MTX1: variants seen among roughly 807,000 people sequenced by gnomAD.
MTX1 encodes the protein metaxin-1.
A neutral mutation model predicts 39.4 loss-of-function variants in MTX1; 20 were observed. The ratio of observed to expected loss-of-function variants is 0.51; its 90% CI spans 0.36 to 0.74. The LOEUF is 0.74. MTX1 is among the 30% of genes least tolerant of loss of function. The pLI, the probability that MTX1 is intolerant of heterozygous loss-of-function variation, is 0.00. For missense variants in MTX1, 481 were observed against 485.9 expected (o/e 0.99, Z 0.10); for synonymous variants, 209 against 198.6 (o/e 1.05, Z -0.44).
At chr1:155,211,931 A>G in intron 3 of MTX1, 196 bp from the exon 4 acceptor site, 1 of 476,820 alleles carries the variant, frequency 2.1e-6, no homozygotes, top group East Asian at 3.3e-5. Flanking sequence ...AGGAGGCTCC[A>G]AGGCCCAGGC....
Position 155,210,426 on chromosome 1 carries a change from T to C in MTX1, c.598+11T>C, listed in dbSNP as rs1402089682. Reference sequence around the variant, plus strand: ...GGCAGAGCCCTTCAGGTACCCAGTATCCCTTGGGGGTAAGGAAGGGTGTGT... The same window carrying C: ...GGCAGAGCCCTTCAGGTACCCAGTACCCCTTGGGGGTAAGGAAGGGTGTGT... On this transcript the variant is annotated intron_variant, in intron 2 of 7. Transcript: ENST00000368376. 1.4e-5 allele frequency: 22 copies of C among 1,613,064 alleles called. No homozygotes were observed. Among genetic ancestry groups the C allele is most frequent in the Non-Finnish European group, 1.8e-5 (21 of 1,179,488 alleles).
intron 4 of MTX1, 29 bp downstream of exon 4, chr1:155,212,248 A>G (rs753800614): frequency 1.9e-6 from 3 of 1,599,248 alleles, no homozygotes; most frequent in East Asian, 2.2e-5. Context: ...CCCAGCATCC[A>G]TGGCCAGCCG....
Position 155,208,727 on chromosome 1 carries a change from G to A in MTX1, c.-78G>A. 3 of 665,134 alleles carry A rather than the reference G, an allele frequency of 4.5e-6. No homozygotes were observed. Among genetic ancestry groups the A allele is most frequent in the South Asian group, 5.6e-5 (2 of 35,672 alleles). 41.2% of individuals were successfully genotyped at this position (665,134 alleles called of 1,614,324 possible). A position where few individuals can be genotyped will look rare whatever the true frequency, so the allele number is the denominator to read the frequency against. On this transcript the variant is annotated 5_prime_UTR_variant, in exon 1 of 8. Transcript: ENST00000368376. ...CCCCAGCCCGGCCTCCGCTCCGGCC[G>A]CCGCCACCGCCCCTGTTTTGTTTCC...
At chr1:155,210,281 C>T (rs891589757) in intron 1 of MTX1, 65 bp from the exon 2 acceptor site, 1 of 1,390,008 alleles carries the variant, frequency 7.2e-7, no homozygotes, top group East Asian at 2.3e-5. Context: ...AATGTTATTT[C>T]TCTTCTTGAT....
Position 155,213,351 on chromosome 1 carries a change from T to C in MTX1, c.1146T>C (p.Tyr382=), listed in dbSNP as rs1382386142. The C allele has an allele frequency of 2.3e-6, 1 of 436,608 alleles. No individual in the cohort carries two copies. The highest frequency in any genetic ancestry group is 5.8e-5 in the African/African-American group (1 of 17,336). The allele number at this position is 436,608 out of a possible 1,614,324, so 27.0% of individuals were successfully genotyped here. A position where few individuals can be genotyped will look rare whatever the true frequency, so the allele number is the denominator to read the frequency against. ...HLRGLHNLCA[Y]CTHILSLYFP... is the part of the protein sequence containing the mutation. ...GTGGGCTGCACAACCTCTGTGCCTA[T>C]TGTACCCACATTCTCAGTCTCTACT... Residue 382 remains tyrosine, a synonymous_variant, in exon 7 of 8, where the codon TAT becomes TAC. Coordinates refer to ENST00000368376, the MANE Select transcript of MTX1 (RefSeq NM_002455.5).
Position 155,210,292 on chromosome 1 carries a change from A to G in MTX1, c.529-54A>G, listed in dbSNP as rs1384416968. ...AATAAATGTTATTTCTCTTCTTGAT[A>G]CCACTGTGGGGGACATGGCTCTGCC... is the stretch of plus-strand genomic sequence containing the variant. On this transcript the variant is annotated intron_variant, in intron 1 of 7. Transcript: ENST00000368376. 2.1e-6 allele frequency: 3 copies of G among 1,447,420 alleles called. No individual in the cohort carries two copies. In the Admixed American group the frequency reaches 5.1e-5, roughly 24 times the overall value. 89.7% of individuals were successfully genotyped at this position (1,447,420 alleles called of 1,614,324 possible). A position where few individuals can be genotyped will look rare whatever the true frequency, so the allele number is the denominator to read the frequency against.
At position 155,210,415 on chromosome 1, in the gene MTX1, G is replaced by A; in HGVS notation, c.598G>A (p.Gly200Arg). 5 of 1,614,066 alleles carry A rather than the reference G, an allele frequency of 3.1e-6. No homozygotes were observed. The highest frequency in any genetic ancestry group is 4.2e-6 in the Non-Finnish European group (5 of 1,179,904). The change falls in exon 2 of 8, where the codon GGA (glycine) becomes AGA (arginine). Residue 200 changes from glycine to arginine, a missense_variant and splice_region_variant. Transcript: ENST00000368376. ...KISNPWQSPS[G>R]TLPALRTSHG... Reference sequence around the variant, plus strand: ...CAGCAACCCCTGGCAGAGCCCTTCAGGTACCCAGTATCCCTTGGGGGTAAG... The same window carrying A: ...CAGCAACCCCTGGCAGAGCCCTTCAAGTACCCAGTATCCCTTGGGGGTAAG...
Position 155,213,501 on chromosome 1 carries a change from C to T in MTX1, c.1204C>T (p.Arg402Cys). 6.0e-6 allele frequency: 1 copy of T among 166,184 alleles called. No homozygotes were observed. The highest frequency in any genetic ancestry group is 1.0e-5 in the Non-Finnish European group (1 of 96,334). 10.3% of individuals were successfully genotyped at this position (166,184 alleles called of 1,614,324 possible). A position where few individuals can be genotyped will look rare whatever the true frequency, so the allele number is the denominator to read the frequency against. Residue 402 changes from arginine (R) to cysteine (C), a missense_variant, in exon 8 of 8, where the codon CGC becomes TGC. Transcript: ENST00000368376. Reference sequence around the variant, plus strand: ...ACCCTCAGCTGAGGTACCACCGCAACGCCAGACACCAGCAGGCCCAGAGAC... The same window carrying T: ...ACCCTCAGCTGAGGTACCACCGCAATGCCAGACACCAGCAGGCCCAGAGAC... Reference protein sequence around the residue: ...PWDGAEVPPQRQTPAGPETEE... With the variant: ...PWDGAEVPPQCQTPAGPETEE...
At position 155,209,096 on chromosome 1, in the gene MTX1, T is replaced by C; in HGVS notation, c.292T>C (p.Ser98Pro). 6.5e-7 allele frequency: 1 copy of C among 1,543,012 alleles called. No individual in the cohort carries two copies. The highest frequency in any genetic ancestry group is 1.9e-4 in the Middle Eastern group (1 of 5,158). Residue 98 changes from serine to proline, a missense_variant, in exon 1 of 8, where the codon TCA (serine) becomes CCA (proline). Ser to Pro is a moderately conservative substitution (Grantham distance 74, BLOSUM62 -1). Coordinates refer to ENST00000368376, the MANE Select transcript of MTX1 (RefSeq NM_002455.5). ...PEARGPVPRSSAASRARRSLA... is the reference protein window; with the variant it reads ...PEARGPVPRSPAASRARRSLA... ...GGCCCGCGGCCCAGTCCCCCGCAGT[T>C]CAGCTGCCAGTCGGGCCAGAAGAAG...
chr1:155,210,574 C>G lies in MTX1; in HGVS notation c.625C>G (p.His209Asp), dbSNP rs1230291069. Reference sequence around the variant, plus strand: ...AACTCTGCCTGCCCTTCGGACCAGTCATGGAGAGGTCATCTCAGTTCCACA... The same window carrying G: ...AACTCTGCCTGCCCTTCGGACCAGTGATGGAGAGGTCATCTCAGTTCCACA... The part of the protein sequence containing the change: ...SGTLPALRTS[H>D]GEVISVPHKI... Residue 209 changes from histidine (H) to aspartate (D), a missense_variant, in exon 3 of 8, where the codon CAT (histidine) becomes GAT (aspartate). His to Asp is a moderately conservative substitution (Grantham distance 81). Coordinates refer to ENST00000368376, the MANE Select transcript of MTX1 (RefSeq NM_002455.5). 1 of 1,614,050 alleles carries G rather than the reference C, an allele frequency of 6.2e-7. No homozygotes were observed. Among genetic ancestry groups the G allele is most frequent in the Non-Finnish European group, 8.5e-7 (1 of 1,180,034 alleles).
intron 3 of MTX1, chr1:155,211,636 G>A (rs1295992289): frequency 1.3e-5 from 2 of 154,240 alleles, no homozygotes; most frequent in African/African-American, 2.4e-5. Context: ...AAATAGCCAA[G>A]AGCTGGGCAC....
chr1:155,208,843 G>A lies in MTX1; in HGVS notation c.39G>A (p.Gly13=). The change falls in exon 1 of 8, where the codon GGG becomes GGA. Residue 13 remains glycine, a synonymous_variant. Coordinates refer to ENST00000368376, the MANE Select transcript of MTX1 (RefSeq NM_002455.5). The part of the protein sequence containing the change: ...LGGPPRSPRS[G]TSPKGPWSST... ...GACCCCCCCGCAGTCCCCGCTCGGG[G>A]ACGAGCCCCAAGGGGCCCTGGAGCA... 5 of 1,591,978 alleles carry A rather than the reference G, an allele frequency of 3.1e-6. No individual in the cohort carries two copies. The highest frequency in any genetic ancestry group is 1.4e-5 in the African/African-American group (1 of 74,026).
rs771102265 is a variant in MTX1 at position 155,208,851 on chromosome 1, CCAAGGG to C, written c.48_53del (p.Lys17_Gly18del). On this transcript the variant is annotated inframe_deletion, in exon 1 of 8. Transcript: ENST00000368376. ...CGCAGTCCCCGCTCGGGGACGAGCC[CCAAGGG>C]GCCCTGGAGCAGTACAGGCCACGTG... is the stretch of plus-strand genomic sequence containing the variant. The C allele has an allele frequency of 3.8e-6, 6 of 1,599,054 alleles. No individual in the cohort carries two copies. In the Middle Eastern group the frequency reaches 6.7e-4, roughly 178 times the overall value.
intron 1 of MTX1, among the ~76,000 whole-genome samples, chr1:155,209,631 C>T (rs971047951): frequency 6.6e-6 from 1 of 152,128 alleles, no homozygotes; most frequent in African/African-American, 2.4e-5. Flanking sequence ...CATTTTTTTT[C>T]TCCATTCGGA....
At chr1:155,212,351 G>A (rs767019757) in intron 4 of MTX1, 34 bp from the exon 5 acceptor site, 1 of 1,612,914 alleles carries the variant, frequency 6.2e-7, no homozygotes, top group African/African-American at 1.3e-5. Context: ...CACTGGCTCA[G>A]ACCTACCTGT....
chr1:155,210,625 G>C lies in MTX1; in HGVS notation c.676G>C (p.Glu226Gln). The C allele has an allele frequency of 3.7e-6, 6 of 1,613,640 alleles. No homozygotes were observed. The highest frequency in any genetic ancestry group is 5.1e-6 in the Non-Finnish European group (6 of 1,179,832). The change falls in exon 3 of 8, where the codon GAG becomes CAG. Residue 226 changes from glutamate (E) to glutamine (Q), a missense_variant and splice_region_variant. Around this residue, in one of 2 missense-constraint regions of MTX1, gnomAD observed 368 missense variants for 332.8 expected, o/e 1.11. Coordinates refer to ENST00000368376, the MANE Select transcript of MTX1 (RefSeq NM_002455.5). ...CAAGATCATCACCCACCTTCGAAAA[G>C]AGGTAGGTGACTTGGATAGAGGGGG... is the stretch of plus-strand genomic sequence containing the variant. ...PHKIITHLRKEKYNADYDLSA... is the reference protein window; with the variant it reads ...PHKIITHLRKQKYNADYDLSA...
Position 155,208,714 on chromosome 1 carries a change from C to G in MTX1, c.-91C>G. The G allele has an allele frequency of 3.0e-6, 4 of 1,327,154 alleles. No homozygotes were observed. The highest frequency in any genetic ancestry group is 3.0e-6 in the Non-Finnish European group (3 of 1,007,038). 82.2% of individuals were successfully genotyped at this position (1,327,154 alleles called of 1,614,324 possible). A position where few individuals can be genotyped will look rare whatever the true frequency, so the allele number is the denominator to read the frequency against. On this transcript the variant is annotated 5_prime_UTR_variant, in exon 1 of 8. Transcript: ENST00000368376. ...TCCCCCACCCAAGCCCCAGCCCGGC[C>G]TCCGCTCCGGCCGCCGCCACCGCCC...
chr1:155,210,976 A>C (rs1169243260), intron 3 of MTX1: 4 of 345,390 alleles, frequency 1.2e-5, no homozygotes. Flanking sequence ...CAGGATGGAC[A>C]AGGCTTAGAG....
At chr1:155,211,419 C>T (rs1671129938) in intron 3 of MTX1, 1 of 152,604 alleles carries the variant, frequency 6.6e-6, no homozygotes, top group Non-Finnish European at 1.5e-5. Flanking sequence ...GATTCTTACC[C>T]CCATTCCACA....
Sources: allele counts gnomAD v4.1 joint callset (sites outside exome capture counted in the v4.1 genomes callset), GRCh38; gene constraint gnomAD v4.1.1; regional missense constraint gnomAD v4.1.1; transcripts MANE v1.5; gene names NCBI Gene and HGNC (gene_info 2026-07-23, HGNC 2026-07-21).